TBC1D22A: variants seen among roughly 807,000 people sequenced by gnomAD.
The protein encoded by TBC1D22A is TBC1 domain family member 22A.
A neutral mutation model predicts 60.2 loss-of-function variants in TBC1D22A; 38 were observed. The observed-to-expected ratio is 0.63, with a 90% confidence interval of 0.49 to 0.83. TBC1D22A has a LOEUF of 0.83. Among genes scored for constraint, TBC1D22A ranks in the 40% least tolerant of loss-of-function variants. The pLI, the probability that TBC1D22A is intolerant of heterozygous loss-of-function variation, is 0.00. For missense variants in TBC1D22A, 628 were observed against 701.0 expected (o/e 0.90, Z 1.18); for synonymous variants, 302 against 281.7 (o/e 1.07, Z -0.72).
chr22:47,075,222 C>CAAAAAAAAAAAA (rs386395628), intron 11 of TBC1D22A, among the ~76,000 whole-genome samples: 60 of 114,092 alleles, frequency 5.3e-4, no homozygotes, highest in African/African-American at 1.8e-3. Flanking sequence ...GATTCCGTCT[C>CAAAAAAAAAAAA]AAAAAAAAAA....
intron 12 of TBC1D22A, among the ~76,000 whole-genome samples, chr22:47,166,889 G>A (rs1224367565): frequency 6.6e-6 from 1 of 152,214 alleles, no homozygotes; most frequent in Non-Finnish European, 1.5e-5. Context: ...TGTGGGGGAT[G>A]CCCCACAGCA....
intron 8 of TBC1D22A, among the ~76,000 whole-genome samples, chr22:46,920,934 C>T (rs1048600720): frequency 1.7e-4 from 26 of 151,994 alleles, no homozygotes; most frequent in African/African-American, 6.3e-4. Flanking sequence ...CCATGCCCGG[C>T]TAATTTTTGT....
intron 11 of TBC1D22A, among the ~76,000 whole-genome samples, chr22:47,056,785 A>G (rs1337580478): frequency 7.2e-5 from 11 of 152,318 alleles, no homozygotes; most frequent in Admixed American, 1.3e-4. Flanking sequence ...TGGGGTGGAT[A>G]CAGCTCGCTC....
chr22:46,766,939 G>C (rs193142809), intron 1 of TBC1D22A, among the ~76,000 whole-genome samples: 14 of 152,282 alleles, frequency 9.2e-5, no homozygotes, highest in African/African-American at 3.4e-4. Context: ...GTATGTGCTT[G>C]CTTTCACTAG....
At chr22:46,798,423 G>A (rs2084750906) in intron 4 of TBC1D22A, among the ~76,000 whole-genome samples, 1 of 152,248 alleles carries the variant, frequency 6.6e-6, no homozygotes, top group Admixed American at 6.5e-5. Context: ...CTGGGGCAGA[G>A]GGGCAGGCCC....
intron 1 of TBC1D22A, among the ~76,000 whole-genome samples, chr22:46,785,242 T>A (rs2084108377): frequency 6.6e-6 from 1 of 152,290 alleles, no homozygotes; most frequent in Admixed American, 6.5e-5. Flanking sequence ...ATTCACTGAC[T>A]TGTCTAGCAG....
chr22:47,054,191 A>G (rs139053858), intron 11 of TBC1D22A, among the ~76,000 whole-genome samples: 1 of 152,334 alleles, frequency 6.6e-6, no homozygotes, highest in East Asian at 1.9e-4. Context: ...GGGACCCACA[A>G]TGCAGTGAAA....
At chr22:47,110,238 G>A (rs1251405708) in intron 11 of TBC1D22A, among the ~76,000 whole-genome samples, 1 of 152,122 alleles carries the variant, frequency 6.6e-6, no homozygotes, top group African/African-American at 2.4e-5. Flanking sequence ...CCAGCACTTC[G>A]GGAGGCTGAG....
At chr22:47,125,718 T>A (rs2066428225) in intron 12 of TBC1D22A, among the ~76,000 whole-genome samples, 1 of 152,172 alleles carries the variant, frequency 6.6e-6, no homozygotes, top group South Asian at 2.1e-4. Context: ...AAGAGAAATT[T>A]GGGCCACTCT....
At chr22:47,024,368 A>G (rs131943) in intron 10 of TBC1D22A, among the ~76,000 whole-genome samples, 64,710 of 152,100 alleles carry the variant, frequency 0.43, 16,227 homozygotes, top group African/African-American at 0.71. Flanking sequence ...ACTCAGCCAT[A>G]TCAGTAGGTG....
chr22:47,152,724 G>A (rs2067552103), intron 12 of TBC1D22A, among the ~76,000 whole-genome samples: 1 of 152,202 alleles, frequency 6.6e-6, no homozygotes, highest in African/African-American at 2.4e-5. Context: ...GAGAAAGGTG[G>A]CGTTTTCCCA....
At chr22:47,014,605 G>A (rs1024091687) in intron 10 of TBC1D22A, among the ~76,000 whole-genome samples, 1 of 152,188 alleles carries the variant, frequency 6.6e-6, no homozygotes, top group Non-Finnish European at 1.5e-5. Context: ...ACTTCTCACG[G>A]CAGCTTGTTA....
intron 4 of TBC1D22A, among the ~76,000 whole-genome samples, chr22:46,867,969 A>G (rs2067134588): frequency 6.6e-6 from 1 of 152,214 alleles, no homozygotes; most frequent in South Asian, 2.1e-4. Flanking sequence ...CAAAAAGCAA[A>G]AAACCCACAG....
chr22:47,083,386 T>C (rs2064552796), intron 11 of TBC1D22A, among the ~76,000 whole-genome samples: 1 of 143,684 alleles, frequency 7.0e-6, no homozygotes, highest in Non-Finnish European at 1.5e-5. Context: ...CACACACGAG[T>C]CAAAACATGA....
At chr22:47,160,858 C>T (rs949585155) in intron 12 of TBC1D22A, among the ~76,000 whole-genome samples, 6 of 152,122 alleles carry the variant, frequency 3.9e-5, no homozygotes, top group African/African-American at 1.5e-4. Context: ...CCCAGCTACC[C>T]TCCTCTTCAG....
At chr22:46,935,648 T>TCTG (rs1480230722) in intron 8 of TBC1D22A, among the ~76,000 whole-genome samples, 1 of 152,224 alleles carries the variant, frequency 6.6e-6, no homozygotes, top group Non-Finnish European at 1.5e-5. Flanking sequence ...CCCAGGCGGC[T>TCTG]CTGCTGCTGT....
chr22:46,765,993 G>A (rs1487852942), intron 1 of TBC1D22A, among the ~76,000 whole-genome samples: 1 of 131,392 alleles, frequency 7.6e-6, no homozygotes. Flanking sequence ...GTGTGTGTGT[G>A]TGTGTGTGTG....
At chr22:46,931,895 A>T (rs570086286) in intron 8 of TBC1D22A, among the ~76,000 whole-genome samples, 1 of 152,338 alleles carries the variant, frequency 6.6e-6, no homozygotes, top group Admixed American at 6.5e-5. Flanking sequence ...TGGACTTTAA[A>T]AGCTTAATGG....
intron 12 of TBC1D22A, among the ~76,000 whole-genome samples, chr22:47,159,649 C>T (rs1046770087): frequency 3.3e-5 from 5 of 151,504 alleles, no homozygotes; most frequent in African/African-American, 1.2e-4. Flanking sequence ...CCACATACCA[C>T]GTATATACAC....
Sources: gnomAD v4.1 joint callset for allele counts (sites outside exome capture counted in the v4.1 genomes callset) on GRCh38, gnomAD v4.1.1 for gene constraint, MANE v1.5 for transcripts, NCBI Gene and HGNC (gene_info 2026-07-23, HGNC 2026-07-21) for gene names.